MGAT4A: variants seen among roughly 807,000 people sequenced by gnomAD.
The protein encoded by MGAT4A is alpha-1,3-mannosyl-glycoprotein 4-beta-N-acetylglucosaminyltransferase A, also known as N-acetylglucosaminyltransferase IVa.
Under a neutral mutation model 74.1 loss-of-function variants are expected in MGAT4A, and 33 were observed. That is an observed-to-expected ratio of 0.45 (90% CI 0.34 to 0.60). The LOEUF (loss-of-function observed/expected upper bound fraction) is 0.60. MGAT4A is among the 20% of genes least tolerant of loss of function. The probability of loss-of-function intolerance (pLI) is 0.02; values close to 1 mark genes in which losing one functional copy is unlikely to be tolerated. For missense variants in MGAT4A, 479 were observed against 628.3 expected, an observed-to-expected ratio of 0.76 and a Z score of 2.54; for synonymous variants, 198 against 210.4, an observed-to-expected ratio of 0.94 and a Z score of 0.51.
chr2:98,640,792 A>G (rs1480505250), intron 10 of MGAT4A, among the ~76,000 whole-genome samples: 1 of 152,236 alleles, frequency 6.6e-6, no homozygotes, highest in Non-Finnish European at 1.5e-5. Context: ...TTTAATTTCA[A>G]CCATCCTTCA....
At chr2:98,660,658 G>A (rs936827292) in intron 5 of MGAT4A, among the ~76,000 whole-genome samples, 1 of 152,068 alleles carries the variant, frequency 6.6e-6, no homozygotes, top group Non-Finnish European at 1.5e-5. Context: ...TTTCAGCAAA[G>A]GTGCCAAGAA....
rs955086535 is a variant in MGAT4A at position 98,620,531 on chromosome 2, CTT to C, written c.*5033_*5034del. ...AATTAATGGACAAACCAAAATAAAA[CTT>C]CATTAGCTATTAATGGCTTGGAAGC... is the stretch of plus-strand genomic sequence containing the variant. On this transcript the variant is annotated 3_prime_UTR_variant, in exon 16 of 16. Transcript: ENST00000393487. 2.6e-5 allele frequency: 4 copies of C among 152,070 alleles called. No individual in the cohort carries two copies. The highest frequency in any genetic ancestry group is 5.9e-5 in the Non-Finnish European group (4 of 68,016). The allele number at this position is 152,070 out of a possible 1,614,324, so 9.4% of individuals were successfully genotyped here.
rs1701646544 is a variant in MGAT4A at position 98,655,624 on chromosome 2, G to T, written c.699-104C>A. The T allele has an allele frequency of 5.6e-6, 4 of 718,180 alleles. No individual in the cohort carries two copies. The East Asian group carries it at 1.1e-4, about 20-fold the overall frequency. The allele number at this position is 718,180 out of a possible 1,614,324, so 44.5% of individuals were successfully genotyped here. On this transcript the variant is annotated intron_variant, in intron 7 of 15. Transcript: ENST00000393487. ...AATGTCTACATAACATGTCATCTAT[G>T]TATATGTGTACACACACACACATAC... is the stretch of plus-strand genomic sequence containing the variant.
intron 8 of MGAT4A, among the ~76,000 whole-genome samples, chr2:98,647,959 T>G (rs1408937466): frequency 2.6e-5 from 4 of 152,176 alleles, no homozygotes; most frequent in Admixed American, 2.6e-4. Flanking sequence ...TGGAATAAAT[T>G]CCTTTGCCAC....
chr2:98,640,446 C>T (rs1481961864), intron 10 of MGAT4A, among the ~76,000 whole-genome samples: 1 of 152,040 alleles, frequency 6.6e-6, no homozygotes, highest in Non-Finnish European at 1.5e-5. Flanking sequence ...CCCATCTCTA[C>T]TAAAAACACA....
At chr2:98,689,848 T>G (rs866094516) in intron 2 of MGAT4A, among the ~76,000 whole-genome samples, 1 of 151,790 alleles carries the variant, frequency 6.6e-6, no homozygotes, top group Non-Finnish European at 1.5e-5. Context: ...AAATAAAAAA[T>G]AAGAAGACTT....
rs138432175 is a variant in MGAT4A at position 98,674,383 on chromosome 2, C to A, written c.403+652G>T. ...CGGAATCAAATGTATGAGTGGTAAA[C>A]GGCTCTTGGGCTGCTTGCTCAAGCC... On this transcript the variant is annotated intron_variant, in intron 4 of 15. Transcript: ENST00000393487. 2.0e-5 allele frequency among the ~76,000 whole-genome samples: 3 copies of A among 152,262 alleles called. No individual in the cohort carries two copies. In the South Asian group the frequency reaches 6.2e-4, roughly 32 times the overall value.
In MGAT4A at chr2:98,645,409, A is replaced by T. The variant is rs762271615; in HGVS notation, c.889+19T>A. On this transcript the variant is annotated intron_variant, in intron 9 of 15. Coordinates refer to ENST00000393487, the MANE Select transcript of MGAT4A (RefSeq NM_012214.3). The stretch of plus-strand genomic sequence containing the variant: ...CACAGTTATTTATGAAAAGTAGGTA[A>T]GTGTGACACTTTTCTTACCAATGAA... 1.3e-5 allele frequency: 19 copies of T among 1,481,680 alleles called. No homozygotes were observed. Among genetic ancestry groups the T allele is most frequent in the African/African-American group, 5.8e-5 (4 of 69,264 alleles). The allele number at this position is 1,481,680 out of a possible 1,614,324, so 91.8% of individuals were successfully genotyped here. A position where few individuals can be genotyped will look rare whatever the true frequency, so the allele number is the denominator to read the frequency against.
chr2:98,655,569 A>G (rs772433097), intron 7 of MGAT4A, 49 bp from the exon 8 acceptor site: 2 of 1,284,258 alleles, frequency 1.6e-6, no homozygotes, highest in Non-Finnish European at 2.2e-6. Context: ...ACTCAAATTT[A>G]GTAAAATAAG....
In MGAT4A at chr2:98,655,451, G is replaced by A. The variant is rs1701643740; in HGVS notation, c.768C>T (p.Tyr256=). Residue 256 remains tyrosine (Y), a synonymous_variant, in exon 8 of 16, where the codon TAC becomes TAT. Transcript: ENST00000393487. Reference sequence around the variant, plus strand: ...AAGGAAAAACTACACTTACCTGAATGTAATATATGCCCTTTTCTTGAGCAT... The same window carrying A: ...AAGGAAAAACTACACTTACCTGAATATAATATATGCCCTTTTCTTGAGCAT... ...MMYAQEKGIY[Y]IQLEDDIIVK... is the part of the protein sequence containing the mutation. 1.2e-6 allele frequency: 2 copies of A among 1,600,574 alleles called. No homozygotes were observed. Among genetic ancestry groups the A allele is most frequent in the Non-Finnish European group, 1.7e-6 (2 of 1,171,776 alleles).
chr2:98,686,664 A>C (rs1450518557), intron 2 of MGAT4A, among the ~76,000 whole-genome samples: 4 of 151,804 alleles, frequency 2.6e-5, no homozygotes, highest in African/African-American at 4.8e-5. Context: ...CTCCTGCCTC[A>C]GCCTCCCAAA....
At chr2:98,655,567 T>A in intron 7 of MGAT4A, 47 bp from the exon 8 acceptor site, 1 of 1,323,408 alleles carries the variant, frequency 7.6e-7, no homozygotes, top group African/African-American at 1.5e-5. Context: ...AGACTCAAAT[T>A]TAGTAAAATA....
chr2:98,659,820 G>A (rs972827136), intron 5 of MGAT4A, among the ~76,000 whole-genome samples: 1 of 151,996 alleles, frequency 6.6e-6, no homozygotes, highest in Non-Finnish European at 1.5e-5. Context: ...GTCTTTATCA[G>A]CAGCATAAAA....
intron 2 of MGAT4A, among the ~76,000 whole-genome samples, chr2:98,699,000 TC>T (rs1308610214): frequency 6.6e-6 from 1 of 152,158 alleles, no homozygotes; most frequent in Non-Finnish European, 1.5e-5. Flanking sequence ...TGTCAGGAGT[TC>T]CTAAGACTAT....
intron 14 of MGAT4A, 126 bp from the exon 15 acceptor site, chr2:98,625,961 T>A: frequency 1.9e-6 from 1 of 521,618 alleles, no homozygotes; most frequent in Non-Finnish European, 3.3e-6. Flanking sequence ...AGGGCACAGG[T>A]AATTTCTTTC....
intron 2 of MGAT4A, among the ~76,000 whole-genome samples, chr2:98,690,786 CAAAGAA>C: frequency 6.6e-6 from 1 of 151,804 alleles, no homozygotes; most frequent in East Asian, 1.9e-4. Flanking sequence ...AAACCCTAAG[CAAAGAA>C]ATAGAAAATA....
chr2:98,644,954 G>A (rs922670158), intron 9 of MGAT4A, among the ~76,000 whole-genome samples: 2 of 152,146 alleles, frequency 1.3e-5, no homozygotes, highest in African/African-American at 2.4e-5. Flanking sequence ...ATATTCTTAA[G>A]CTGGCTAATT....
intron 8 of MGAT4A, among the ~76,000 whole-genome samples, chr2:98,651,955 C>A (rs1701585142): frequency 6.6e-6 from 1 of 152,052 alleles, no homozygotes; most frequent in Non-Finnish European, 1.5e-5. Context: ...AAAACTGTCA[C>A]AAGAGACAAA....
At chr2:98,710,707 C>T (rs1300812153) in intron 2 of MGAT4A, among the ~76,000 whole-genome samples, 1 of 152,158 alleles carries the variant, frequency 6.6e-6, no homozygotes, top group Admixed American at 6.5e-5. Context: ...ACCTCCGGAA[C>T]TCAAGTGATC....
Sources: gnomAD v4.1 joint callset for allele counts (sites outside exome capture counted in the v4.1 genomes callset) on GRCh38, gnomAD v4.1.1 for gene constraint, MANE v1.5 for transcripts, NCBI Gene and HGNC (gene_info 2026-07-23, HGNC 2026-07-21) for gene names.